The following ARHGAP39 variants were observed in gnomAD, a reference collection of about 807,000 sequenced individuals.
ARHGAP39 encodes the protein Rho GTPase activating protein 39.
In ARHGAP39, 44 loss-of-function variants were observed where a neutral mutation model predicts 106.9. The observed-to-expected ratio is 0.41, with a 90% CI of 0.32 to 0.53. The LOEUF (loss-of-function observed/expected upper bound fraction) is 0.53. Among genes scored for constraint, ARHGAP39 ranks in the 20% least tolerant of loss-of-function variants. The pLI is 0.21. For synonymous variants in ARHGAP39, 768 were observed against 693.2 expected, an observed-to-expected ratio of 1.11 and a Z score of -1.69; for missense variants, 1,496 against 1,577.3, an observed-to-expected ratio of 0.95 and a Z score of 0.87.
At chr8:144,551,191 C>T (rs575004311) in intron 4 of ARHGAP39, among the ~76,000 whole-genome samples, 11 of 147,396 alleles carry the variant, frequency 7.5e-5, no homozygotes, top group Admixed American at 3.4e-4. Flanking sequence ...TTCTGCTGTC[C>T]GTCTAGGGTT....
chr8:144,600,869 G>A (rs545773763), intron 2 of ARHGAP39, among the ~76,000 whole-genome samples: 83 of 150,136 alleles, frequency 5.5e-4, no homozygotes, highest in Admixed American at 1.0e-3. Flanking sequence ...GCATGGAAGC[G>A]TGCGTGCGTG....
At chr8:144,610,928 T>C (rs1314735493) in intron 1 of ARHGAP39, among the ~76,000 whole-genome samples, 1 of 152,080 alleles carries the variant, frequency 6.6e-6, no homozygotes, top group Non-Finnish European at 1.5e-5. Flanking sequence ...GCGATTCTCC[T>C]GCCTCAACCT....
At chr8:144,533,419 G>A (rs1816814682) in intron 8 of ARHGAP39, 94 bp from the exon 9 acceptor site, 1 of 1,293,228 alleles carries the variant, frequency 7.7e-7, no homozygotes, top group Admixed American at 2.0e-5. Context: ...ATAGGTGGGT[G>A]GCGCTCTTCA....
At chr8:144,640,846 C>T (rs1427043288) in intron 1 of ARHGAP39, among the ~76,000 whole-genome samples, 1 of 152,148 alleles carries the variant, frequency 6.6e-6, no homozygotes, top group Non-Finnish European at 1.5e-5. Context: ...ATAAGCGTCC[C>T]ACGAAACATT....
At chr8:144,610,629 G>A (rs536840681) in intron 1 of ARHGAP39, among the ~76,000 whole-genome samples, 360 of 152,018 alleles carry the variant, frequency 2.4e-3, no homozygotes, top group Admixed American at 5.5e-3. Context: ...GGGGAATGGC[G>A]TGAACCTGGG....
chr8:144,668,241 A>C (rs1336464545), intron 1 of ARHGAP39, among the ~76,000 whole-genome samples: 2 of 152,204 alleles, frequency 1.3e-5, no homozygotes, highest in African/African-American at 2.4e-5. Context: ...CAGGAGTTTG[A>C]GACCTGCCTG....
At chr8:144,665,571 G>A (rs566336933) in intron 1 of ARHGAP39, among the ~76,000 whole-genome samples, 178 of 152,328 alleles carry the variant, frequency 1.2e-3, no homozygotes, top group Middle Eastern at 6.8e-3. Flanking sequence ...TAGGGACTTG[G>A]TGCCCTCTGT....
At chr8:144,686,185 C>T (rs187738959), upstream of ARHGAP39, among the ~76,000 whole-genome samples, 1 of 152,084 alleles carries the variant, frequency 6.6e-6, no homozygotes, top group Non-Finnish European at 1.5e-5. Context: ...TTGGGCTTCC[C>T]GAGTCTGAGA....
chr8:144,599,614 CTA>C (rs1269496839), intron 2 of ARHGAP39, among the ~76,000 whole-genome samples: 2 of 151,972 alleles, frequency 1.3e-5, no homozygotes, highest in African/African-American at 2.4e-5. Context: ...TGCGAATGGT[CTA>C]TATGTTTAAA....
At chr8:144,640,222 G>A (rs971255312) in intron 1 of ARHGAP39, among the ~76,000 whole-genome samples, 4 of 152,124 alleles carry the variant, frequency 2.6e-5, no homozygotes, top group African/African-American at 9.7e-5. Flanking sequence ...GTTGCACACG[G>A]GGGACTGACA....
At chr8:144,631,781 C>G (rs1375437326) in intron 1 of ARHGAP39, among the ~76,000 whole-genome samples, 1 of 152,254 alleles carries the variant, frequency 6.6e-6, no homozygotes, top group Non-Finnish European at 1.5e-5. Flanking sequence ...AGCTTCACCT[C>G]GGCCAGAGCC....
chr8:144,534,102 T>C, intron 8 of ARHGAP39, 27 bp downstream of exon 8: 6 of 1,610,740 alleles, frequency 3.7e-6, no homozygotes, highest in Non-Finnish European at 5.1e-6. Flanking sequence ...CCGCCTGCCC[T>C]CCCCGGCCCC....
chr8:144,677,907 G>T (rs997006937), intron 1 of ARHGAP39, among the ~76,000 whole-genome samples: 6 of 152,194 alleles, frequency 3.9e-5, no homozygotes, highest in Non-Finnish European at 7.3e-5. Flanking sequence ...TAGAGAATCT[G>T]TGAGAATCAA....
intron 1 of ARHGAP39, among the ~76,000 whole-genome samples, chr8:144,652,340 T>C (rs772640002): frequency 2.6e-5 from 4 of 152,204 alleles, no homozygotes; most frequent in Non-Finnish European, 4.4e-5. Flanking sequence ...AGTTCAACCA[T>C]TGTGGAAAGC....
intron 2 of ARHGAP39, among the ~76,000 whole-genome samples, chr8:144,601,210 G>T (rs1819909883): frequency 6.9e-6 from 1 of 145,564 alleles, no homozygotes; most frequent in African/African-American, 2.6e-5. Flanking sequence ...GCATGTGCGT[G>T]GAGGTGCGTG....
chr8:144,684,682 G>A lies in ARHGAP39; in HGVS notation c.-82+1004C>T, dbSNP rs1362794057. 6.6e-6 allele frequency among the ~76,000 whole-genome samples: 1 copy of A among 152,156 alleles called. No homozygotes were observed. Among genetic ancestry groups the A allele is most frequent in the Non-Finnish European group, 1.5e-5 (1 of 68,014 alleles). On this transcript the variant is annotated intron_variant, in intron 1 of 11. Coordinates refer to ENST00000377307, the MANE Select transcript of ARHGAP39 (RefSeq NM_025251.3). The surrounding 1 kb of genome is among the most constrained non-coding windows in gnomAD (Gnocchi z 4.4). ...CCAAAATGCACAGCCCGCCTCTCTCGCCGCCCTGGGCACGGAACGCCGCCT... is the reference window on the plus strand; with the variant it reads ...CCAAAATGCACAGCCCGCCTCTCTCACCGCCCTGGGCACGGAACGCCGCCT...
rs1056425100 is a variant in ARHGAP39, at chr8:144,547,004, T to C, written c.1959+123A>G. On this transcript the variant is annotated intron_variant, in intron 5 of 11. Transcript: ENST00000377307. This position sits in a 1 kb window ranked among gnomAD's most constrained non-coding sequence, Gnocchi z 5.2. ...CCCAGGGCCCCGGAGACACGGGGCT[T>C]CAGAACTCTGCGTGCTGCGTGCACG... The C allele has an allele frequency of 2.4e-6, 3 of 1,258,608 alleles. No individual in the cohort carries two copies. Among genetic ancestry groups the C allele is most frequent in the Non-Finnish European group, 3.2e-6 (3 of 944,402 alleles). 78.0% of individuals were successfully genotyped at this position (1,258,608 alleles called of 1,614,324 possible). A position where few individuals can be genotyped will look rare whatever the true frequency, so the allele number is the denominator to read the frequency against.
intron 6 of ARHGAP39, 101 bp from the exon 7 acceptor site, chr8:144,537,914 T>TTGGGGGCTCACCCTGTGCAGC (rs1446682910): frequency 9.9e-7 from 1 of 1,014,748 alleles, no homozygotes; most frequent in Non-Finnish European, 1.5e-6. Flanking sequence ...CCTGGGCCTG[T>TTGGGGGCTCACCCTGTGCAGC]TGGGGGCTCA....
intron 2 of ARHGAP39, among the ~76,000 whole-genome samples, chr8:144,605,303 A>G (rs1296364503): frequency 6.6e-6 from 1 of 152,192 alleles, no homozygotes; most frequent in Admixed American, 6.5e-5. Flanking sequence ...ATCAAAAATT[A>G]GAAAGAGAAA....
Sources: gnomAD v4.1 joint callset for allele counts (sites outside exome capture counted in the v4.1 genomes callset) on GRCh38, gnomAD v4.1.1 for gene constraint, Gnocchi (gnomAD v3.1) non-coding constraint, MANE v1.5 for transcripts, NCBI Gene and HGNC (gene_info 2026-07-23, HGNC 2026-07-21) for gene names.